Variants in KLHL7 observed in about 807,000 individuals in gnomAD.
KLHL7 encodes the protein kelch like family member 7.
In KLHL7, 44 loss-of-function variants were observed where a neutral mutation model predicts 67.4. The ratio of observed to expected loss-of-function variants is 0.65; its 90% CI spans 0.51 to 0.84. The LOEUF (loss-of-function observed/expected upper bound fraction) is 0.84, where lower values mean the gene tolerates loss of function less well. Among genes scored for constraint, KLHL7 ranks in the 40% least tolerant of loss-of-function variants. The pLI, the probability that KLHL7 is intolerant of heterozygous loss-of-function variation, is 0.00. For missense variants in KLHL7, 362 were observed against 718.1 expected, an observed-to-expected ratio of 0.50 and a Z score of 5.67; for synonymous variants, 252 against 243.3, an observed-to-expected ratio of 1.04 and a Z score of -0.33.
chr7:23,141,490 A>G (rs1784179731), intron 5 of KLHL7, among the ~76,000 whole-genome samples: 5 of 152,266 alleles, frequency 3.3e-5, no homozygotes, highest in Admixed American at 3.3e-4. Context: ...AGGCAGACAC[A>G]CTGGTTTTAG....
In KLHL7 at chr7:23,125,122, A is replaced by G. The variant is rs1452961328; in HGVS notation, c.392A>G (p.Lys131Arg). ...ANQYQIEPVK[K>R]MCVDFLKEQV... is the part of the protein sequence containing the mutation. ...CAATATCAGATTGAACCTGTGAAGAAAATGTGTGTTGATTTTTTGAAAGAA... is the reference window on the plus strand; with the variant it reads ...CAATATCAGATTGAACCTGTGAAGAGAATGTGTGTTGATTTTTTGAAAGAA... The change falls in exon 4 of 11, where the codon AAA (lysine) becomes AGA (arginine). Residue 131 changes from lysine to arginine, a missense_variant. Physicochemically the swap from Lys to Arg is conservative, Grantham distance 26 (BLOSUM62 2). Around this residue, in one of 5 missense-constraint regions of KLHL7, gnomAD observed 155 missense variants for 280.8 expected, o/e 0.55. Coordinates refer to ENST00000339077, the MANE Select transcript of KLHL7 (RefSeq NM_001031710.3). The G allele has an allele frequency of 1.2e-6, 2 of 1,613,436 alleles. No individual in the cohort carries two copies. Among genetic ancestry groups the G allele is most frequent in the Non-Finnish European group, 1.7e-6 (2 of 1,179,444 alleles).
At position 23,174,699 on chromosome 7, in the gene KLHL7, A is replaced by C. The variant is rs549095444; in HGVS notation, c.*401A>C. On this transcript the variant is annotated 3_prime_UTR_variant, in exon 11 of 11. Transcript: ENST00000339077. ...GGTTAGGTCTGTTTGTGCTCAGTCA[A>C]GAACTAAGAAATAGTATGAATTGTA... is the stretch of plus-strand genomic sequence containing the variant. 2.2e-6 allele frequency: 1 copy of C among 456,656 alleles called. No homozygotes were observed. The highest frequency in any genetic ancestry group is 6.9e-5 in the East Asian group (1 of 14,488). The allele number at this position is 456,656 out of a possible 1,614,324, so 28.3% of individuals were successfully genotyped here.
chr7:23,136,847 C>G (rs76076073), intron 4 of KLHL7, among the ~76,000 whole-genome samples: 4,226 of 152,166 alleles, frequency 0.028, 79 homozygotes, highest in Non-Finnish European at 0.039. Context: ...GGAATATAAC[C>G]AAAGTATTTC....
At chr7:23,106,437 C>T in intron 1 of KLHL7, 2 of 1,260,836 alleles carry the variant, frequency 1.6e-6, no homozygotes, top group South Asian at 3.1e-5. Context: ...ACAGCTCTGC[C>T]CTAGTTATCT....
intron 6 of KLHL7, among the ~76,000 whole-genome samples, chr7:23,145,975 T>A (rs979131463): frequency 1.3e-5 from 2 of 152,142 alleles, no homozygotes; most frequent in African/African-American, 2.4e-5. Context: ...CAAGCAACCC[T>A]CCTGCCGAGG....
rs1785249171 is a variant in KLHL7, at chr7:23,174,522, G to T, written c.*224G>T. ...AAGAACATATCTAGCAAGAAAACTT[G>T]AAAAAGTATAAGCATTTGTTAAAAA... On this transcript the variant is annotated 3_prime_UTR_variant, in exon 11 of 11. Coordinates refer to ENST00000339077, the MANE Select transcript of KLHL7 (RefSeq NM_001031710.3). The T allele has an allele frequency of 1.5e-6, 1 of 667,616 alleles. No homozygotes were observed. The highest frequency in any genetic ancestry group is 2.7e-6 in the Non-Finnish European group (1 of 365,246). The allele number at this position is 667,616 out of a possible 1,614,324, so 41.4% of individuals were successfully genotyped here.
intron 9 of KLHL7, chr7:23,171,242 A>G (rs1227941339): frequency 3.7e-5 from 8 of 213,948 alleles, no homozygotes; most frequent in Non-Finnish European, 7.1e-5. Context: ...CCTAGTATGT[A>G]CTCTGCATGT....
chr7:23,144,532 C>G (rs752318089), intron 6 of KLHL7, among the ~76,000 whole-genome samples: 1 of 152,092 alleles, frequency 6.6e-6, no homozygotes, highest in South Asian at 2.1e-4. Context: ...TGGAAATATG[C>G]CTTGTAGAAC....
chr7:23,124,627 G>A, intron 2 of KLHL7, 61 bp from the exon 3 acceptor site: 3 of 973,734 alleles, frequency 3.1e-6, no homozygotes, highest in South Asian at 2.6e-5. Flanking sequence ...GGAATGCCGT[G>A]GTTCCTCAGT....
At chr7:23,150,180 G>A (rs1189534929) in intron 6 of KLHL7, among the ~76,000 whole-genome samples, 3 of 151,950 alleles carry the variant, frequency 2.0e-5, no homozygotes, top group Non-Finnish European at 4.4e-5. Flanking sequence ...AAATAAAATG[G>A]CCTTATTTTA....
chr7:23,164,169 G>A (rs1266213623), intron 7 of KLHL7, among the ~76,000 whole-genome samples: 3 of 139,990 alleles, frequency 2.1e-5, no homozygotes, highest in Non-Finnish European at 3.0e-5. Context: ...CCCACCCCCC[G>A]CCAACTACAT....
chr7:23,142,925 A>G (rs905662522), intron 5 of KLHL7, among the ~76,000 whole-genome samples: 1 of 152,196 alleles, frequency 6.6e-6, no homozygotes, highest in African/African-American at 2.4e-5. Context: ...TTAATGTGTC[A>G]ATATTGGTTC....
intron 9 of KLHL7, among the ~76,000 whole-genome samples, chr7:23,169,701 C>T (rs1785100385): frequency 6.6e-6 from 1 of 151,966 alleles, no homozygotes; most frequent in African/African-American, 2.4e-5. Context: ...TAAAGGAGTT[C>T]TGCAGCTTCT....
At chr7:23,145,061 G>T (rs1489242226) in intron 6 of KLHL7, among the ~76,000 whole-genome samples, 1 of 152,082 alleles carries the variant, frequency 6.6e-6, no homozygotes, top group African/African-American at 2.4e-5. Flanking sequence ...TCCTGCCACT[G>T]CACTGCTACA....
intron 1 of KLHL7, among the ~76,000 whole-genome samples, chr7:23,121,680 C>CAT (rs1783348530): frequency 7.5e-6 from 1 of 134,206 alleles, no homozygotes; most frequent in Non-Finnish European, 1.6e-5. Context: ...CAGTCCCATC[C>CAT]TTTTTTTTTT....
rs550365712 is a variant in KLHL7, at chr7:23,175,259, C to G, written c.*961C>G. 12 of 454,002 alleles carry G rather than the reference C, an allele frequency of 2.6e-5. No individual in the cohort carries two copies. Among genetic ancestry groups the G allele is most frequent in the Non-Finnish European group, 5.3e-5 (12 of 226,774 alleles). 28.1% of individuals were successfully genotyped at this position (454,002 alleles called of 1,614,324 possible). The stretch of plus-strand genomic sequence containing the variant: ...ATCATGAGTTAGATATATGTCATCT[C>G]CTATTCATTGCTTTTATGTGATCAA... On this transcript the variant is annotated 3_prime_UTR_variant, in exon 11 of 11. Coordinates refer to ENST00000339077, the MANE Select transcript of KLHL7 (RefSeq NM_001031710.3).
rs1562559169 is a variant in KLHL7 at position 23,124,674 on chromosome 7, T to C, written c.224-14T>C. On this transcript the variant is annotated splice_polypyrimidine_tract_variant and intron_variant, in intron 2 of 10. Coordinates refer to ENST00000339077, the MANE Select transcript of KLHL7 (RefSeq NM_001031710.3). ...TAGTACAGATGCCATTTATGTTTCT[T>C]CTCTTCATTGTAGCTAACATGCTTG... 1 of 1,537,750 alleles carries C rather than the reference T, an allele frequency of 6.5e-7. No individual in the cohort carries two copies. Among genetic ancestry groups the C allele is most frequent in the Admixed American group, 1.7e-5 (1 of 59,934 alleles).
chr7:23,170,008 G>A (rs1036230795), intron 9 of KLHL7, among the ~76,000 whole-genome samples: 8 of 152,156 alleles, frequency 5.3e-5, no homozygotes, highest in Admixed American at 1.3e-4. Context: ...TCAGGAGTTC[G>A]AGACCAGCCT....
chr7:23,108,014 A>G (rs1337334588), intron 1 of KLHL7, among the ~76,000 whole-genome samples: 1 of 152,222 alleles, frequency 6.6e-6, no homozygotes, highest in Non-Finnish European at 1.5e-5. Context: ...TCTGAGCCAG[A>G]GTAGGAATGT....
Sources: gnomAD v4.1 joint callset for allele counts (sites outside exome capture counted in the v4.1 genomes callset) on GRCh38, gnomAD v4.1.1 for gene constraint, gnomAD v4.1.1 regional missense constraint, MANE v1.5 for transcripts, NCBI Gene and HGNC (gene_info 2026-07-23, HGNC 2026-07-21) for gene names.